The following CNTN4 variants were observed in gnomAD, a reference collection of about 807,000 sequenced individuals.
The protein encoded by CNTN4 is contactin 4.
Under a neutral mutation model 122.5 loss-of-function variants are expected in CNTN4, and 77 were observed. That is an observed-to-expected ratio of 0.63 (90% confidence interval 0.52 to 0.76). CNTN4 has a LOEUF of 0.76. Ranked by LOEUF, CNTN4 falls within the 30% of genes least tolerant of loss-of-function variation. The pLI is 0.00. For missense variants in CNTN4, 1,256 were observed against 1,259.1 expected (o/e 1.00, Z 0.04); for synonymous variants, 512 against 447.0 (o/e 1.15, Z -1.83).
At chr3:2,210,506 C>A (rs1208597792) in intron 2 of CNTN4, among the ~76,000 whole-genome samples, 1 of 152,028 alleles carries the variant, frequency 6.6e-6, no homozygotes, top group East Asian at 1.9e-4. Context: ...CACAATGTAG[C>A]CAGTGTAATC....
chr3:2,453,220 G>A (rs1409630690), intron 3 of CNTN4, among the ~76,000 whole-genome samples: 1 of 151,664 alleles, frequency 6.6e-6, no homozygotes, highest in Non-Finnish European at 1.5e-5. Flanking sequence ...AATCAAGTCA[G>A]AATCATCAAG....
intron 4 of CNTN4, among the ~76,000 whole-genome samples, chr3:2,729,086 C>T (rs1182615079): frequency 8.5e-5 from 13 of 152,242 alleles, no homozygotes; most frequent in South Asian, 2.1e-4. Context: ...CATTTTTGTT[C>T]TTTCCCAACA....
chr3:2,677,697 G>A (rs1316073138), intron 4 of CNTN4, among the ~76,000 whole-genome samples: 1 of 152,006 alleles, frequency 6.6e-6, no homozygotes, highest in Non-Finnish European at 1.5e-5. Context: ...CCAGCAGATG[G>A]TGGTGGCAGC....
chr3:2,211,192 G>A (rs2038600040), intron 2 of CNTN4, among the ~76,000 whole-genome samples: 1 of 152,112 alleles, frequency 6.6e-6, no homozygotes. Context: ...GCAAGAGAGA[G>A]TGTGGCGGGG....
chr3:2,351,667 G>A (rs145956767), intron 3 of CNTN4, among the ~76,000 whole-genome samples: 2 of 152,110 alleles, frequency 1.3e-5, no homozygotes, highest in Non-Finnish European at 2.9e-5. Context: ...TTTATTTCTG[G>A]AATTTCCCAT....
At chr3:2,317,478 G>A (rs1260156067) in intron 2 of CNTN4, among the ~76,000 whole-genome samples, 1 of 152,126 alleles carries the variant, frequency 6.6e-6, no homozygotes, top group Non-Finnish European at 1.5e-5. Context: ...AAATTGTGCA[G>A]GTTATCATTC....
At chr3:2,627,688 T>A (rs994484297) in intron 4 of CNTN4, among the ~76,000 whole-genome samples, 1 of 151,722 alleles carries the variant, frequency 6.6e-6, no homozygotes. Context: ...AGAGACGGGG[T>A]TTCACCGTGT....
chr3:2,502,713 C>T (rs2076629387), intron 3 of CNTN4, among the ~76,000 whole-genome samples: 1 of 152,064 alleles, frequency 6.6e-6, no homozygotes, highest in African/African-American at 2.4e-5. Context: ...GGAACTTTAC[C>T]TTCATTTTAC....
intron 4 of CNTN4, among the ~76,000 whole-genome samples, chr3:2,596,953 C>T (rs754813017): frequency 6.6e-6 from 1 of 151,984 alleles, no homozygotes; most frequent in African/African-American, 2.4e-5. Context: ...AAAAACATCC[C>T]TGGTCATTTT....
chr3:2,464,024 G>A (rs897217416), intron 3 of CNTN4, among the ~76,000 whole-genome samples: 6 of 152,010 alleles, frequency 3.9e-5, no homozygotes, highest in African/African-American at 1.5e-4. Flanking sequence ...AACAATATTT[G>A]CACCCCTAAC....
chr3:2,229,690 T>C (rs1452114554), intron 2 of CNTN4, among the ~76,000 whole-genome samples: 1 of 152,210 alleles, frequency 6.6e-6, no homozygotes, highest in Non-Finnish European at 1.5e-5. Flanking sequence ...TTTTAACTAA[T>C]ATTTACTGAG....
chr3:2,868,959 A>G (rs1445260867), intron 8 of CNTN4, among the ~76,000 whole-genome samples: 1 of 152,100 alleles, frequency 6.6e-6, no homozygotes, highest in Non-Finnish European at 1.5e-5. Flanking sequence ...ATCAGAGGGC[A>G]GAGCTTTCCA....
At chr3:2,773,463 T>C (rs189509745) in intron 6 of CNTN4, among the ~76,000 whole-genome samples, 1 of 152,140 alleles carries the variant, frequency 6.6e-6, no homozygotes, top group Non-Finnish European at 1.5e-5. Context: ...TCCAACATTC[T>C]TACGGGGTAC....
At chr3:2,280,302 A>G (rs1575251048) in intron 2 of CNTN4, among the ~76,000 whole-genome samples, 1 of 152,256 alleles carries the variant, frequency 6.6e-6, no homozygotes, top group South Asian at 2.1e-4. Flanking sequence ...AGTGCTCTTG[A>G]TTGATTAAAA....
At chr3:2,222,672 C>T (rs1421205366) in intron 2 of CNTN4, among the ~76,000 whole-genome samples, 1 of 151,954 alleles carries the variant, frequency 6.6e-6, no homozygotes, top group Non-Finnish European at 1.5e-5. Context: ...ACCCCCAACA[C>T]ACACCCCAGG....
At chr3:2,358,697 A>C (rs575449963) in intron 3 of CNTN4, among the ~76,000 whole-genome samples, 1 of 152,148 alleles carries the variant, frequency 6.6e-6, no homozygotes, top group Non-Finnish European at 1.5e-5. Context: ...AATCAGTACT[A>C]AAGTGCATAG....
chr3:2,174,288 C>G (rs57628115), intron 2 of CNTN4, among the ~76,000 whole-genome samples: 8,301 of 152,150 alleles, frequency 0.055, 527 homozygotes, highest in East Asian at 0.36. Context: ...AAAACTAAGC[C>G]ATTTCTTTTC....
chr3:2,926,006 C>T (rs1241035093), intron 13 of CNTN4, among the ~76,000 whole-genome samples: 8 of 152,142 alleles, frequency 5.3e-5, no homozygotes, highest in African/African-American at 1.7e-4. Flanking sequence ...TCACATGATC[C>T]CCGCTGAAGA....
intron 6 of CNTN4, among the ~76,000 whole-genome samples, chr3:2,804,567 C>A (rs951155972): frequency 2.6e-5 from 4 of 152,142 alleles, no homozygotes; most frequent in African/African-American, 9.7e-5. Flanking sequence ...CTCAATAAAT[C>A]TTAGCTCTAA....
Sources: gnomAD v4.1 joint callset for allele counts (sites outside exome capture counted in the v4.1 genomes callset) on GRCh38, gnomAD v4.1.1 for gene constraint, MANE v1.5 for transcripts, NCBI Gene and HGNC (gene_info 2026-07-23, HGNC 2026-07-21) for gene names.